The following FBXO15 variants were observed in gnomAD, a reference collection of about 807,000 sequenced individuals.
FBXO15 encodes F-box only protein 15.
A neutral mutation model predicts 49.5 loss-of-function variants in FBXO15; 30 were observed. The ratio of observed to expected loss-of-function variants is 0.61; its 90% CI spans 0.45 to 0.82. The LOEUF is 0.82. Among genes scored for constraint, FBXO15 ranks in the 40% least tolerant of loss-of-function variants. The probability of loss-of-function intolerance (pLI) is 0.00; values close to 1 mark genes in which losing one functional copy is unlikely to be tolerated. For missense variants in FBXO15, 591 were observed against 631.5 expected (o/e 0.94, Z 0.69); for synonymous variants, 250 against 232.7 (o/e 1.07, Z -0.68).
chr18:74,126,031 C>T lies in FBXO15; in HGVS notation c.856G>A (p.Asp286Asn). 1.9e-6 allele frequency: 3 copies of T among 1,614,094 alleles called. No homozygotes were observed. Among genetic ancestry groups the T allele is most frequent in the Non-Finnish European group, 2.5e-6 (3 of 1,179,990 alleles). Residue 286 changes from aspartate to asparagine, a missense_variant, in exon 6 of 10, where the codon GAC becomes AAC. Transcript: ENST00000419743. ...AGGCAGAAGATCCGAATGAGTCTGT[C>T]ACAGCCAATCATGGTAGATATGGTC... ...HLTISTMIGC[D>N]RLIRIFCLHP...
intron 5 of FBXO15, among the ~76,000 whole-genome samples, chr18:74,126,835 C>G (rs1227549680): frequency 1.3e-5 from 2 of 152,252 alleles, no homozygotes; most frequent in Non-Finnish European, 2.9e-5. Flanking sequence ...TGTGAAGCAT[C>G]AAAACCAGAT....
intron 8 of FBXO15, among the ~76,000 whole-genome samples, chr18:74,112,867 A>G (rs1293152274): frequency 6.6e-6 from 1 of 152,218 alleles, no homozygotes; most frequent in African/African-American, 2.4e-5. Flanking sequence ...GTGATGCAAA[A>G]TGCTACAGTC....
At chr18:74,138,443 T>C (rs1379104931) in intron 2 of FBXO15, among the ~76,000 whole-genome samples, 1 of 152,080 alleles carries the variant, frequency 6.6e-6, no homozygotes, top group Non-Finnish European at 1.5e-5. Context: ...CTCTTCTGCT[T>C]CACACACAGC....
chr18:74,077,366 C>T (rs1912296934), intron 9 of FBXO15, among the ~76,000 whole-genome samples: 1 of 152,170 alleles, frequency 6.6e-6, no homozygotes, highest in South Asian at 2.1e-4. Context: ...GAAGAAGCAG[C>T]CAGCATGAAA....
intron 2 of FBXO15, among the ~76,000 whole-genome samples, chr18:74,138,190 G>A (rs1394365363): frequency 6.6e-6 from 1 of 152,068 alleles, no homozygotes; most frequent in Admixed American, 6.6e-5. Context: ...GCCAAGCTCT[G>A]GGAAAGAACA....
chr18:74,138,585 C>A (rs1978868965), intron 2 of FBXO15, among the ~76,000 whole-genome samples: 1 of 152,116 alleles, frequency 6.6e-6, no homozygotes, highest in Non-Finnish European at 1.5e-5. Context: ...AGCCACCTCA[C>A]CCAGCTCCAT....
Position 74,081,352 on chromosome 18 carries a change from G to A in FBXO15, c.1263+575C>T, listed in dbSNP as rs755892253. On this transcript the variant is annotated intron_variant, in intron 9 of 9. Transcript: ENST00000419743. Reference sequence around the variant, plus strand: ...TGACAAGAACCAGGAGCAGCCATGGGCACAAGGACAGAAGAAAGCAAAACT... The same window carrying A: ...TGACAAGAACCAGGAGCAGCCATGGACACAAGGACAGAAGAAAGCAAAACT... 7.7e-4 allele frequency among the ~76,000 whole-genome samples: 117 copies of A among 152,286 alleles called. 1 individual carries two copies. The highest frequency in any genetic ancestry group is 1.5e-3 in the Non-Finnish European group (101 of 68,026).
chr18:74,089,618 T>A (rs1912927010), intron 8 of FBXO15, among the ~76,000 whole-genome samples: 1 of 152,228 alleles, frequency 6.6e-6, no homozygotes, highest in South Asian at 2.1e-4. Context: ...CTTGAAGGTT[T>A]TTATCATGAA....
intron 8 of FBXO15, among the ~76,000 whole-genome samples, chr18:74,121,993 C>A (rs1218971303): frequency 1.3e-5 from 2 of 152,190 alleles, no homozygotes; most frequent in African/African-American, 4.8e-5. Flanking sequence ...ATATGGCCAA[C>A]TGGAGTTTTC....
intron 8 of FBXO15, among the ~76,000 whole-genome samples, chr18:74,085,928 T>C (rs1912717425): frequency 6.6e-6 from 1 of 152,204 alleles, no homozygotes; most frequent in South Asian, 2.1e-4. Flanking sequence ...TTAAAATTGA[T>C]TAGATTTCAT....
intron 8 of FBXO15, chr18:74,099,111 G>A (rs548567676): frequency 1.3e-5 from 2 of 152,108 alleles, no homozygotes; most frequent in Non-Finnish European, 2.9e-5. Context: ...GGCAAAGAGC[G>A]AGACTCCATC....
intron 8 of FBXO15, 108 bp from the exon 9 acceptor site, chr18:74,082,159 G>C: frequency 8.5e-7 from 1 of 1,183,324 alleles, no homozygotes; most frequent in Non-Finnish European, 1.2e-6. Flanking sequence ...GTAAGCCCTG[G>C]CCTCAGCGAT....
chr18:74,136,532 G>C (rs1307490927), intron 2 of FBXO15, among the ~76,000 whole-genome samples: 1 of 151,850 alleles, frequency 6.6e-6, no homozygotes, highest in Non-Finnish European at 1.5e-5. Context: ...TTCCCACCTC[G>C]CCCACACCGA....
Position 74,120,537 on chromosome 18 carries a change from A to AT in FBXO15, c.1138+2830dup, listed in dbSNP as rs1326030383. On this transcript the variant is annotated intron_variant, in intron 8 of 9. Transcript: ENST00000419743. Reference sequence around the variant, plus strand: ...AGAAAGATCTCTAGAAAATCCTCAGATATTTGGAAACTATATTACACACTT... The same window carrying AT: ...AGAAAGATCTCTAGAAAATCCTCAGATTATTTGGAAACTATATTACACACTT... Among the ~76,000 whole-genome samples, 78 of 152,346 alleles carry AT rather than the reference A, an allele frequency of 5.1e-4. 1 individual carries two copies. Among genetic ancestry groups the AT allele is most frequent in the African/African-American group, 1.9e-3 (78 of 41,578 alleles).
chr18:74,115,059 T>C (rs979996907), intron 8 of FBXO15, among the ~76,000 whole-genome samples: 4 of 152,178 alleles, frequency 2.6e-5, no homozygotes, highest in Non-Finnish European at 2.9e-5. Flanking sequence ...TTAGAGGACC[T>C]ACGGTCCTCC....
intron 9 of FBXO15, among the ~76,000 whole-genome samples, chr18:74,077,997 T>C (rs1912324185): frequency 1.3e-5 from 2 of 151,932 alleles, no homozygotes; most frequent in Non-Finnish European, 2.9e-5. Context: ...GAGCCCTGGG[T>C]CCCATCACCT....
Position 74,132,223 on chromosome 18 carries a change from C to T in FBXO15, c.333-1565G>A, listed in dbSNP as rs563214122. ...AAGCTGAAACTGTTTCACCAAAATC[C>T]TTTGAATAGACACTTTTAAAACTCC... On this transcript the variant is annotated intron_variant, in intron 3 of 9. Coordinates refer to ENST00000419743, the MANE Select transcript of FBXO15 (RefSeq NM_001142958.2). Among the ~76,000 whole-genome samples, 25 of 152,324 alleles carry T rather than the reference C, an allele frequency of 1.6e-4. No individual in the cohort carries two copies. In the East Asian group the frequency reaches 4.4e-3, roughly 27 times the overall value.
rs1912194849 is a variant in FBXO15, at chr18:74,074,878, T to C, written c.1264-1148A>G. 6.6e-6 allele frequency among the ~76,000 whole-genome samples: 1 copy of C among 152,092 alleles called. No individual in the cohort carries two copies. The stretch of plus-strand genomic sequence containing the variant: ...GCCCACCCACTAGCCAGCCCTTCCT[T>C]CTCCCGCCTCTTCCTTTCCACTTTA... On this transcript the variant is annotated intron_variant, in intron 9 of 9. Transcript: ENST00000419743. This position sits in a 1 kb window ranked among gnomAD's most constrained non-coding sequence, Gnocchi z 4.7.
rs766210201 is a variant in FBXO15 at position 74,147,701 on chromosome 18, C to A, written c.85G>T (p.Ala29Ser). The A allele has an allele frequency of 1.4e-5, 21 of 1,520,978 alleles. No individual in the cohort carries two copies. Among genetic ancestry groups the A allele is most frequent in the Admixed American group, 2.1e-5 (1 of 48,206 alleles). The allele number at this position is 1,520,978 out of a possible 1,614,324, so 94.2% of individuals were successfully genotyped here. ...CCAAAGGCCCTGGCGCGCCCCCGGG[C>A]CGCGCCACCGCCCCTGCTGGGCCCG... Reference protein sequence around the residue: ...LRGPSRGGGAARGRARAFGCR... With the variant: ...LRGPSRGGGASRGRARAFGCR... The change falls in exon 1 of 10, where the codon GCC (alanine) becomes TCC (serine). Residue 29 changes from alanine to serine, a missense_variant. Ala to Ser is a moderately conservative substitution (Grantham distance 99). Coordinates refer to ENST00000419743, the MANE Select transcript of FBXO15 (RefSeq NM_001142958.2).
Sources: gnomAD v4.1 joint callset for allele counts (sites outside exome capture counted in the v4.1 genomes callset) on GRCh38, gnomAD v4.1.1 for gene constraint, Gnocchi (gnomAD v3.1) non-coding constraint, MANE v1.5 for transcripts, NCBI Gene and HGNC (gene_info 2026-07-23, HGNC 2026-07-21) for gene names.